The following PDE4D variants were observed in gnomAD, a reference collection of about 807,000 sequenced individuals.
PDE4D encodes the protein phosphodiesterase 4D, also known as 3',5'-cyclic-AMP phosphodiesterase 4D.
Under a neutral mutation model 87.4 loss-of-function variants are expected in PDE4D, and 24 were observed. The observed-to-expected ratio is 0.27, with a 90% CI of 0.20 to 0.39. PDE4D has a LOEUF of 0.39. PDE4D is among the 10% of genes least tolerant of loss of function. The pLI, the probability that PDE4D is intolerant of heterozygous loss-of-function variation, is 1.00. For missense variants in PDE4D, 714 were observed against 1,041.0 expected, an observed-to-expected ratio of 0.69 and a Z score of 4.32; for synonymous variants, 384 against 383.2, an observed-to-expected ratio of 1.00 and a Z score of -0.02.
At chr5:59,944,651 G>C (rs1332218370) in intron 3 of PDE4D, among the ~76,000 whole-genome samples, 1 of 151,658 alleles carries the variant, frequency 6.6e-6, no homozygotes, top group African/African-American at 2.4e-5. Flanking sequence ...GATTACAGGC[G>C]TGAGCCACCG....
intron 5 of PDE4D, among the ~76,000 whole-genome samples, chr5:59,057,608 G>A (rs906498762): frequency 6.6e-6 from 1 of 152,140 alleles, no homozygotes; most frequent in Non-Finnish European, 1.5e-5. Context: ...CTGGATAACT[G>A]AGATAGTCTT....
intron 1 of PDE4D, among the ~76,000 whole-genome samples, chr5:59,826,310 T>C (rs1396329345): frequency 2.6e-5 from 4 of 152,188 alleles, no homozygotes; most frequent in Admixed American, 1.3e-4. Context: ...TTCTACATTA[T>C]ACAAATTTTA....
intron 1 of PDE4D, among the ~76,000 whole-genome samples, chr5:59,539,991 CAG>C (rs1816021154): frequency 6.6e-6 from 1 of 152,176 alleles, no homozygotes; most frequent in Non-Finnish European, 1.5e-5. Flanking sequence ...TAGCATACAT[CAG>C]AGTGTCCTGG....
intron 2 of PDE4D, among the ~76,000 whole-genome samples, chr5:60,097,885 T>C (rs72753278): frequency 0.017 from 2,510 of 152,058 alleles, 27 homozygotes; most frequent in Non-Finnish European, 0.026. Context: ...CCTGCTCCTG[T>C]AGGCTAACGG....
intron 1 of PDE4D, among the ~76,000 whole-genome samples, chr5:59,589,117 G>A (rs563712606): frequency 1.3e-5 from 2 of 152,246 alleles, no homozygotes; most frequent in African/African-American, 2.4e-5. Flanking sequence ...AGGCTATTGA[G>A]GCACTCAGAT....
At chr5:59,757,240 T>C (rs1022435220) in intron 1 of PDE4D, among the ~76,000 whole-genome samples, 1 of 152,156 alleles carries the variant, frequency 6.6e-6, no homozygotes, top group African/African-American at 2.4e-5. Context: ...TTGCACCCAA[T>C]GAAGGTAGGT....
At chr5:59,634,848 C>T (rs931677864) in intron 1 of PDE4D, among the ~76,000 whole-genome samples, 1 of 152,010 alleles carries the variant, frequency 6.6e-6, no homozygotes, top group African/African-American at 2.4e-5. Context: ...AGGGCAAACA[C>T]ATTCAAAAGC....
intron 1 of PDE4D, among the ~76,000 whole-genome samples, chr5:59,301,194 A>G (rs1039618347): frequency 2.0e-5 from 3 of 152,038 alleles, no homozygotes; most frequent in African/African-American, 4.8e-5. Context: ...AAAAGCCACA[A>G]TCAGAAAGGC....
chr5:59,812,171 A>G (rs1328984628), intron 1 of PDE4D, among the ~76,000 whole-genome samples: 1 of 152,158 alleles, frequency 6.6e-6, no homozygotes, highest in Non-Finnish European at 1.5e-5. Flanking sequence ...GATCCTGTGC[A>G]CTGTGATAAC....
At chr5:60,383,229 A>G (rs1761984170) in intron 1 of PDE4D, among the ~76,000 whole-genome samples, 1 of 152,228 alleles carries the variant, frequency 6.6e-6, no homozygotes. Flanking sequence ...AAGGTATGAA[A>G]AAACAGGGCA....
chr5:59,883,187 G>GCC (rs1196989768), intron 1 of PDE4D, among the ~76,000 whole-genome samples: 1 of 152,184 alleles, frequency 6.6e-6, no homozygotes. Context: ...TTGCTTGAGG[G>GCC]CTACAGTTAC....
chr5:58,990,311 A>G (rs964931386), intron 9 of PDE4D, among the ~76,000 whole-genome samples: 1 of 152,318 alleles, frequency 6.6e-6, no homozygotes, highest in East Asian at 1.9e-4. Flanking sequence ...CGGTCCCGAG[A>G]TATCTACAGC....
chr5:60,428,894 A>T (rs1033680451), intron 1 of PDE4D, among the ~76,000 whole-genome samples: 1 of 152,234 alleles, frequency 6.6e-6, no homozygotes, highest in African/African-American at 2.4e-5. Context: ...GAGAACCAGA[A>T]TTTGGAACCA....
chr5:59,416,225 T>C (rs960470800), intron 1 of PDE4D, among the ~76,000 whole-genome samples: 1 of 152,220 alleles, frequency 6.6e-6, no homozygotes, highest in East Asian at 1.9e-4. Flanking sequence ...TCACATCTGT[T>C]TCTGTCTTTC....
At chr5:60,442,985 G>T (rs1734375018) in intron 1 of PDE4D, among the ~76,000 whole-genome samples, 1 of 151,926 alleles carries the variant, frequency 6.6e-6, no homozygotes, top group South Asian at 2.1e-4. Context: ...CTGCAGACAT[G>T]GTGCAACTTA....
At chr5:59,931,738 G>A (rs1314725196) in intron 3 of PDE4D, among the ~76,000 whole-genome samples, 2 of 117,910 alleles carry the variant, frequency 1.7e-5, no homozygotes, top group East Asian at 5.2e-4. Context: ...GTCTCACTCT[G>A]TCGCCCAGGC....
At chr5:59,979,434 G>A (rs1270419151) in intron 3 of PDE4D, among the ~76,000 whole-genome samples, 2 of 151,676 alleles carry the variant, frequency 1.3e-5, no homozygotes, top group Non-Finnish European at 2.9e-5. Context: ...GTGTGTGTGT[G>A]TGTGTGTGTT....
At position 60,159,472 on chromosome 5, in the gene PDE4D, G is replaced by GT. The variant is rs370705823; in HGVS notation, c.42+26084dup. On this transcript the variant is annotated intron_variant, in intron 2 of 16. Transcript: ENST00000502484. ...CAAGTATTATGTACTGTACATAACT[G>GT]TATGTACTATCCTTTTATATCACCG... 6.6e-5 allele frequency among the ~76,000 whole-genome samples: 10 copies of GT among 152,220 alleles called. 1 individual carries two copies. The highest frequency in any genetic ancestry group is 2.4e-4 in the African/African-American group (10 of 41,538).
chr5:60,278,511 T>C (rs1751584792), intron 1 of PDE4D, among the ~76,000 whole-genome samples: 1 of 152,164 alleles, frequency 6.6e-6, no homozygotes. Flanking sequence ...TCTCTTTCTG[T>C]ACTCTGATGA....
Sources: allele counts gnomAD v4.1 joint callset (sites outside exome capture counted in the v4.1 genomes callset), GRCh38; gene constraint gnomAD v4.1.1; transcripts MANE v1.5; gene names NCBI Gene and HGNC (gene_info 2026-07-23, HGNC 2026-07-21).